Variants in MAP4K3 observed in about 807,000 individuals in gnomAD.
The protein encoded by MAP4K3 is mitogen-activated protein kinase kinase kinase kinase 3.
MAP4K3 carries 94 observed loss-of-function variants against 143.5 expected under a neutral mutation model. The observed-to-expected ratio is 0.65, with a 90% CI of 0.55 to 0.78. The LOEUF (loss-of-function observed/expected upper bound fraction) is 0.78. Ranked by LOEUF, MAP4K3 falls within the 30% of genes least tolerant of loss-of-function variation. The pLI, the probability that MAP4K3 is intolerant of heterozygous loss-of-function variation, is 0.00. For synonymous variants in MAP4K3, 416 were observed against 347.2 expected (o/e 1.20, Z -2.20); for missense variants, 1,077 against 1,068.1 (o/e 1.01, Z -0.12).
At chr2:39,294,772 A>G (rs2148482602) in intron 16 of MAP4K3, among the ~76,000 whole-genome samples, 1 of 152,316 alleles carries the variant, frequency 6.6e-6, no homozygotes, top group South Asian at 2.1e-4. Flanking sequence ...TATTTTCTTT[A>G]TTACTATTGG....
At chr2:39,321,153 A>C (rs1243517046) in intron 12 of MAP4K3, among the ~76,000 whole-genome samples, 1 of 152,134 alleles carries the variant, frequency 6.6e-6, no homozygotes, top group East Asian at 1.9e-4. Flanking sequence ...ATTATTCTTC[A>C]TTTCTGTGGG....
At chr2:39,352,126 A>G (rs1665478010) in intron 3 of MAP4K3, among the ~76,000 whole-genome samples, 1 of 152,124 alleles carries the variant, frequency 6.6e-6, no homozygotes. Context: ...CCCCATCTCT[A>G]CTAAAAATAC....
At chr2:39,382,583 T>C (rs1215881615) in intron 1 of MAP4K3, among the ~76,000 whole-genome samples, 3 of 152,216 alleles carry the variant, frequency 2.0e-5, no homozygotes, top group African/African-American at 7.2e-5. Flanking sequence ...TTATATCAAA[T>C]AATTTCATTC....
intron 5 of MAP4K3, among the ~76,000 whole-genome samples, chr2:39,337,299 G>A (rs1238671645): frequency 6.6e-6 from 1 of 152,084 alleles, no homozygotes; most frequent in Non-Finnish European, 1.5e-5. Flanking sequence ...TACAATAACA[G>A]ATGCATAGTG....
intron 1 of MAP4K3, among the ~76,000 whole-genome samples, chr2:39,389,539 C>T (rs1666597268): frequency 6.6e-6 from 1 of 152,012 alleles, no homozygotes; most frequent in South Asian, 2.1e-4. Context: ...TCTTTAAAAG[C>T]ACTCAGAGAA....
At chr2:39,335,515 C>A (rs1376758119) in intron 6 of MAP4K3, among the ~76,000 whole-genome samples, 2 of 152,182 alleles carry the variant, frequency 1.3e-5, no homozygotes, top group Non-Finnish European at 2.9e-5. Flanking sequence ...CTCATACATT[C>A]TCTTCTCTTC....
chr2:39,267,160 A>G, intron 27 of MAP4K3, 29 bp downstream of exon 27: 2 of 1,608,812 alleles, frequency 1.2e-6, no homozygotes, highest in Non-Finnish European at 1.7e-6. Context: ...AGTCTCAGAG[A>G]GCTATATGCT....
In MAP4K3 at chr2:39,310,853, G is replaced by A. The variant is rs1682915959; in HGVS notation, c.998-1334C>T. 2.0e-5 allele frequency among the ~76,000 whole-genome samples: 3 copies of A among 152,070 alleles called. No homozygotes were observed. The South Asian group carries it at 6.2e-4, about 32-fold the overall frequency. ...CATTTTCTTTACAATTAGTGATGCT[G>A]AACTAATTGTAATATTACAATTAGT... On this transcript the variant is annotated intron_variant, in intron 13 of 33. Coordinates refer to ENST00000263881, the MANE Select transcript of MAP4K3 (RefSeq NM_003618.4).
At chr2:39,416,837 T>C (rs1204208268) in intron 1 of MAP4K3, among the ~76,000 whole-genome samples, 3 of 152,134 alleles carry the variant, frequency 2.0e-5, no homozygotes, top group African/African-American at 7.2e-5. Context: ...ATGTATGGAG[T>C]CTGGAGGCAA....
At chr2:39,277,466 G>A (rs1217743411) in intron 24 of MAP4K3, among the ~76,000 whole-genome samples, 1 of 152,152 alleles carries the variant, frequency 6.6e-6, no homozygotes, top group Non-Finnish European at 1.5e-5. Flanking sequence ...TGTAGTTACT[G>A]GTTTATACAC....
intron 3 of MAP4K3, among the ~76,000 whole-genome samples, chr2:39,348,312 T>C (rs1665354422): frequency 6.6e-6 from 1 of 152,106 alleles, no homozygotes; most frequent in African/African-American, 2.4e-5. Flanking sequence ...CTATTCATCC[T>C]ATGTAAAATG....
At chr2:39,301,594 G>A (rs1682513046) in intron 15 of MAP4K3, among the ~76,000 whole-genome samples, 1 of 152,160 alleles carries the variant, frequency 6.6e-6, no homozygotes, top group South Asian at 2.1e-4. Flanking sequence ...CGTGTGGAAT[G>A]GCCATGGCTC....
In MAP4K3 at chr2:39,279,760, G is replaced by C. The variant is rs372299846; in HGVS notation, c.1714+512C>G. 2.6e-3 allele frequency among the ~76,000 whole-genome samples: 402 copies of C among 152,062 alleles called. 2 individuals are homozygous for C. Among genetic ancestry groups the C allele is most frequent in the African/African-American group, 8.8e-3 (364 of 41,486 alleles). On this transcript the variant is annotated intron_variant, in intron 23 of 33. Coordinates refer to ENST00000263881, the MANE Select transcript of MAP4K3 (RefSeq NM_003618.4). ...CCCAGGACTTCGAGACCAGCCTGGG[G>C]AACACAGACAGCTCCCATCTCTACA...
intron 28 of MAP4K3, among the ~76,000 whole-genome samples, chr2:39,263,701 G>A (rs1385138774): frequency 1.3e-5 from 2 of 152,090 alleles, no homozygotes; most frequent in Non-Finnish European, 2.9e-5. Flanking sequence ...AAATCTTGAG[G>A]GAGACCTGCA....
chr2:39,309,548 A>ACTTTT, intron 13 of MAP4K3, 29 bp from the exon 14 acceptor site: 3 of 338,204 alleles, frequency 8.9e-6, no homozygotes, highest in South Asian at 5.1e-5. Context: ...TAAAACCAGG[A>ACTTTT]TTTTTTTTTT....
In MAP4K3 at chr2:39,293,253, A is replaced by G; in HGVS notation, c.1194T>C (p.Ser398=). 1 of 1,544,250 alleles carries G rather than the reference A, an allele frequency of 6.5e-7. No individual in the cohort carries two copies. Among genetic ancestry groups the G allele is most frequent in the Non-Finnish European group, 8.8e-7 (1 of 1,140,688 alleles). Residue 398 remains serine (S), a synonymous_variant, in exon 17 of 34, where the codon TCT becomes TCC. Transcript: ENST00000263881. The part of the protein sequence containing the change: ...FLGANKSLLK[S]VEEELHQRGH... ...ACCGCTGATGCAATTCTTCTTCAACAGACTTGAGAAGACTCCTTAAAAGAA... is the reference window on the plus strand; with the variant it reads ...ACCGCTGATGCAATTCTTCTTCAACGGACTTGAGAAGACTCCTTAAAAGAA...
At chr2:39,263,295 C>T (rs574841282) in intron 28 of MAP4K3, among the ~76,000 whole-genome samples, 50 of 130,500 alleles carry the variant, frequency 3.8e-4, no homozygotes, top group African/African-American at 1.2e-3. Context: ...TTTTTTGAGA[C>T]GGAGTCTCGC....
At chr2:39,311,141 G>A (rs1253526813) in intron 13 of MAP4K3, among the ~76,000 whole-genome samples, 4 of 152,108 alleles carry the variant, frequency 2.6e-5, no homozygotes, top group Admixed American at 6.6e-5. Context: ...GTAATGGCGC[G>A]ATCTCAGCTC....
chr2:39,308,024 G>A lies in MAP4K3; in HGVS notation c.1057-19C>T, dbSNP rs774874790. On this transcript the variant is annotated intron_variant, in intron 14 of 33. Coordinates refer to ENST00000263881, the MANE Select transcript of MAP4K3 (RefSeq NM_003618.4). ...TGTCGGGCTGTTTAGCAGAGACCAA[G>A]AAACCCAAGTTATTTACGCTTAGAC... is the stretch of plus-strand genomic sequence containing the variant. 1.5e-5 allele frequency: 23 copies of A among 1,573,416 alleles called. No individual in the cohort carries two copies. The highest frequency in any genetic ancestry group is 1.9e-5 in the Non-Finnish European group (22 of 1,159,956).
Sources: allele counts gnomAD v4.1 joint callset (sites outside exome capture counted in the v4.1 genomes callset), GRCh38; gene constraint gnomAD v4.1.1; transcripts MANE v1.5; gene names NCBI Gene and HGNC (gene_info 2026-07-23, HGNC 2026-07-21).